DLG2: variants seen among roughly 807,000 people sequenced by gnomAD.
DLG2 encodes disks large homolog 2.
A neutral mutation model predicts 132.5 loss-of-function variants in DLG2; 45 were observed. The ratio of observed to expected loss-of-function variants is 0.34; its 90% confidence interval spans 0.27 to 0.44. The LOEUF (loss-of-function observed/expected upper bound fraction) is 0.44. DLG2 is among the 20% of genes least tolerant of loss of function. The probability of loss-of-function intolerance (pLI) is 1.00; values close to 1 mark genes in which losing one functional copy is unlikely to be tolerated. For synonymous variants in DLG2, 424 were observed against 419.6 expected, an observed-to-expected ratio of 1.01 and a Z score of -0.13; for missense variants, 1,045 against 1,196.9, an observed-to-expected ratio of 0.87 and a Z score of 1.87.
intron 3 of DLG2, among the ~76,000 whole-genome samples, chr11:85,362,434 A>T (rs1464284818): frequency 1.3e-5 from 2 of 152,104 alleles, no homozygotes; most frequent in Non-Finnish European, 2.9e-5. Context: ...TGGTGTATAG[A>T]ATGCTACTGA....
chr11:84,333,788 C>A (rs554010909), intron 7 of DLG2, among the ~76,000 whole-genome samples: 1 of 152,162 alleles, frequency 6.6e-6, no homozygotes, highest in Non-Finnish European at 1.5e-5. Flanking sequence ...CCTAGTATCA[C>A]TCATACTGGG....
At chr11:83,732,622 C>T (rs1265749437) in intron 18 of DLG2, among the ~76,000 whole-genome samples, 6 of 152,178 alleles carry the variant, frequency 3.9e-5, no homozygotes, top group African/African-American at 1.2e-4. Flanking sequence ...ATTCATTATG[C>T]AGGCTTTGTG....
At chr11:84,792,731 A>G (rs2074039683) in intron 6 of DLG2, among the ~76,000 whole-genome samples, 1 of 152,142 alleles carries the variant, frequency 6.6e-6, no homozygotes, top group Non-Finnish European at 1.5e-5. Flanking sequence ...GGTAGCCACT[A>G]ATGATCTTTT....
chr11:83,735,093 T>A (rs1028930146), intron 18 of DLG2, among the ~76,000 whole-genome samples: 5 of 152,106 alleles, frequency 3.3e-5, no homozygotes, highest in African/African-American at 1.2e-4. Flanking sequence ...AAAATAAATA[T>A]AATTATTTTT....
chr11:83,672,093 A>G (rs1030057009), intron 18 of DLG2, among the ~76,000 whole-genome samples: 10 of 152,156 alleles, frequency 6.6e-5, no homozygotes, highest in African/African-American at 2.4e-4. Flanking sequence ...CCAGGAGAAA[A>G]AAATGTTGTA....
At chr11:84,845,529 A>T (rs1336616629) in intron 6 of DLG2, among the ~76,000 whole-genome samples, 1 of 152,134 alleles carries the variant, frequency 6.6e-6, no homozygotes, top group African/African-American at 2.4e-5. Context: ...ACATCCAGTG[A>T]ACATGTCTAT....
chr11:85,350,682 T>A (rs1262591321), intron 3 of DLG2, among the ~76,000 whole-genome samples: 3 of 152,260 alleles, frequency 2.0e-5, no homozygotes, highest in African/African-American at 7.2e-5. Context: ...TCCCCACTTC[T>A]TGTTTTTGTC....
intron 6 of DLG2, among the ~76,000 whole-genome samples, chr11:84,671,203 ATCC>A (rs1327527514): frequency 1.3e-5 from 2 of 151,900 alleles, no homozygotes; most frequent in Non-Finnish European, 2.9e-5. Context: ...TGCTCAATCA[ATCC>A]TCCTATCTCA....
chr11:85,433,322 A>C (rs1257126317), intron 3 of DLG2, among the ~76,000 whole-genome samples: 1 of 152,224 alleles, frequency 6.6e-6, no homozygotes, highest in African/African-American at 2.4e-5. Context: ...AACAACATTA[A>C]ACTTATATGT....
chr11:84,276,595 T>C (rs2097785295), intron 7 of DLG2, among the ~76,000 whole-genome samples: 2 of 152,196 alleles, frequency 1.3e-5, no homozygotes, highest in Admixed American at 6.5e-5. Flanking sequence ...GTGGAGCATA[T>C]GTATTTTCTT....
At chr11:85,068,052 T>A (rs372640767) in intron 6 of DLG2, among the ~76,000 whole-genome samples, 13 of 151,960 alleles carry the variant, frequency 8.6e-5, no homozygotes, top group Admixed American at 4.6e-4. Flanking sequence ...GACAAAAACC[T>A]CATGATTATC....
At chr11:84,005,772 TATC>T (rs2094545510) in intron 11 of DLG2, among the ~76,000 whole-genome samples, 1 of 151,984 alleles carries the variant, frequency 6.6e-6, no homozygotes, top group Non-Finnish European at 1.5e-5. Context: ...CACAATGAGA[TATC>T]ATCTTATCCC....
chr11:83,644,219 A>G (rs149244248), intron 18 of DLG2, among the ~76,000 whole-genome samples: 33 of 152,284 alleles, frequency 2.2e-4, no homozygotes, highest in African/African-American at 7.5e-4. Flanking sequence ...TGTGAAGAAC[A>G]TTGCAGGTAC....
intron 6 of DLG2, among the ~76,000 whole-genome samples, chr11:84,543,235 A>G (rs1464282957): frequency 6.6e-6 from 1 of 152,164 alleles, no homozygotes; most frequent in Non-Finnish European, 1.5e-5. Flanking sequence ...ATGGTTACAT[A>G]TAGGTTGCAA....
At chr11:85,345,918 A>G (rs1176270736) in intron 3 of DLG2, among the ~76,000 whole-genome samples, 1 of 152,078 alleles carries the variant, frequency 6.6e-6, no homozygotes, top group Non-Finnish European at 1.5e-5. Context: ...TCGACAAATG[A>G]GATTCATGGT....
intron 6 of DLG2, among the ~76,000 whole-genome samples, chr11:84,716,317 G>A (rs1340639789): frequency 2.6e-5 from 4 of 151,972 alleles, no homozygotes; most frequent in Admixed American, 2.0e-4. Flanking sequence ...AATAATTGTA[G>A]AGAATACTGT....
intron 4 of DLG2, among the ~76,000 whole-genome samples, chr11:85,235,946 T>C (rs912283323): frequency 6.6e-6 from 1 of 151,832 alleles, no homozygotes; most frequent in African/African-American, 2.4e-5. Flanking sequence ...AAGCATTAAC[T>C]AAAAGGAGAC....
chr11:84,101,206 G>A (rs139695455), intron 9 of DLG2, among the ~76,000 whole-genome samples: 1 of 152,244 alleles, frequency 6.6e-6, no homozygotes, highest in Non-Finnish European at 1.5e-5. Flanking sequence ...ACCAAACACA[G>A]TGACCTGGTG....
At chr11:84,513,460 A>G (rs534857787) in intron 7 of DLG2, among the ~76,000 whole-genome samples, 63 of 152,240 alleles carry the variant, frequency 4.1e-4, no homozygotes, top group Non-Finnish European at 7.8e-4. Flanking sequence ...TTGTAACCAA[A>G]AAAGCATGGT....
Sources: allele counts gnomAD v4.1 joint callset (sites outside exome capture counted in the v4.1 genomes callset), GRCh38; gene constraint gnomAD v4.1.1; transcripts MANE v1.5; gene names NCBI Gene and HGNC (gene_info 2026-07-23, HGNC 2026-07-21).